Variants in HS3ST2 observed in about 807,000 individuals in gnomAD.
HS3ST2 encodes heparan sulfate glucosamine 3-O-sulfotransferase 2.
HS3ST2 carries 17 observed loss-of-function variants against 26.3 expected under a neutral mutation model. The ratio of observed to expected loss-of-function variants is 0.65; its 90% CI spans 0.44 to 0.97. The LOEUF is 0.97. Ranked by LOEUF, HS3ST2 falls within the 50% of genes least tolerant of loss-of-function variation. The probability of loss-of-function intolerance (pLI) is 0.00; values close to 1 mark genes in which losing one functional copy is unlikely to be tolerated. For synonymous variants in HS3ST2, 237 were observed against 219.2 expected, an observed-to-expected ratio of 1.08 and a Z score of -0.72; for missense variants, 402 against 501.2, an observed-to-expected ratio of 0.80 and a Z score of 1.89.
chr16:22,896,530 T>C (rs751060760), intron 1 of HS3ST2, among the ~76,000 whole-genome samples: 17 of 152,248 alleles, frequency 1.1e-4, no homozygotes, highest in Non-Finnish European at 2.4e-4. Context: ...CTATAACCAC[T>C]CTGTCTTCCA....
At chr16:22,859,461 C>T (rs1006668930) in intron 1 of HS3ST2, among the ~76,000 whole-genome samples, 8 of 152,182 alleles carry the variant, frequency 5.3e-5, no homozygotes, top group East Asian at 1.9e-4. Context: ...TTGCTGAAAA[C>T]GTAATTGCAT....
At chr16:22,881,603 A>G (rs1160349762) in intron 1 of HS3ST2, among the ~76,000 whole-genome samples, 1 of 152,222 alleles carries the variant, frequency 6.6e-6, no homozygotes, top group African/African-American at 2.4e-5. Context: ...CAAAGAGGTC[A>G]ACATAAGGGA....
chr16:22,846,221 G>A (rs1901430101), intron 1 of HS3ST2, among the ~76,000 whole-genome samples: 1 of 151,734 alleles, frequency 6.6e-6, no homozygotes, highest in African/African-American at 2.4e-5. Context: ...AGGTTGCAGT[G>A]AGCCGAGATC....
At chr16:22,842,972 A>G (rs1450853351) in intron 1 of HS3ST2, among the ~76,000 whole-genome samples, 1 of 152,198 alleles carries the variant, frequency 6.6e-6, no homozygotes, top group Admixed American at 6.5e-5. Context: ...CTCTTCAATT[A>G]TGTTAAACAT....
At position 22,816,759 on chromosome 16, in the gene HS3ST2, C is replaced by T. The variant is rs551792823; in HGVS notation, c.485+1664C>T. Among the ~76,000 whole-genome samples, 16 of 152,310 alleles carry T rather than the reference C, an allele frequency of 1.1e-4. 1 individual carries two copies. The highest frequency in any genetic ancestry group is 3.6e-4 in the African/African-American group (15 of 41,560). On this transcript the variant is annotated intron_variant, in intron 1 of 1. Coordinates refer to ENST00000261374, the MANE Select transcript of HS3ST2 (RefSeq NM_006043.2). Reference sequence around the variant, plus strand: ...AGGCAAACACATTGAACAGCAGAGCCCAGAGTGGGTCAGCCATGACCACAT... The same window carrying T: ...AGGCAAACACATTGAACAGCAGAGCTCAGAGTGGGTCAGCCATGACCACAT...
Position 22,814,401 on chromosome 16 carries a change from G to T in HS3ST2, c.-210G>T, listed in dbSNP as rs1900818512. 4.2e-6 allele frequency: 2 copies of T among 475,570 alleles called. No individual in the cohort carries two copies. The highest frequency in any genetic ancestry group is 7.2e-6 in the Non-Finnish European group (2 of 276,314). The allele number at this position is 475,570 out of a possible 1,614,324, so 29.5% of individuals were successfully genotyped here. On this transcript the variant is annotated 5_prime_UTR_variant, in exon 1 of 2. Coordinates refer to ENST00000261374, the MANE Select transcript of HS3ST2 (RefSeq NM_006043.2). The stretch of plus-strand genomic sequence containing the variant: ...ACCGGGAGATGCTGGAAATGCAACC[G>T]CCTGTTCCCCGAGGAGCCGCTGCCC...
intron 1 of HS3ST2, among the ~76,000 whole-genome samples, chr16:22,878,008 C>T (rs139137221): frequency 6.6e-6 from 1 of 152,176 alleles, no homozygotes; most frequent in African/African-American, 2.4e-5. Context: ...ACGTTCTGGA[C>T]CAAGATGTGT....
chr16:22,827,289 C>T (rs926900153), intron 1 of HS3ST2, among the ~76,000 whole-genome samples: 6 of 152,098 alleles, frequency 3.9e-5, no homozygotes, highest in South Asian at 2.1e-4. Flanking sequence ...TAACGGGGGC[C>T]GCCTGGTGCA....
chr16:22,832,086 G>A (rs952585941), intron 1 of HS3ST2, among the ~76,000 whole-genome samples: 11 of 151,470 alleles, frequency 7.3e-5, no homozygotes, highest in African/African-American at 2.7e-4. Flanking sequence ...AGGCTTAAGT[G>A]ATCCTCCCAC....
At chr16:22,851,278 A>C (rs186415740) in intron 1 of HS3ST2, among the ~76,000 whole-genome samples, 1 of 152,230 alleles carries the variant, frequency 6.6e-6, no homozygotes, top group Admixed American at 6.5e-5. Context: ...CACATATTAC[A>C]TCATTTATAT....
rs1902406498 is a variant in HS3ST2 at position 22,910,055 on chromosome 16, G to GAAAGA, written c.486-4879_486-4875dup. 2.8e-5 allele frequency among the ~76,000 whole-genome samples: 3 copies of GAAAGA among 105,430 alleles called. 1 individual carries two copies. The South Asian group carries it at 8.6e-4, about 30-fold the overall frequency. The allele number at this position is 105,430 out of a possible 152,430, so 69.2% of individuals were successfully genotyped here. A position where few individuals can be genotyped will look rare whatever the true frequency, so the allele number is the denominator to read the frequency against. On this transcript the variant is annotated intron_variant, in intron 1 of 1. Coordinates refer to ENST00000261374, the MANE Select transcript of HS3ST2 (RefSeq NM_006043.2). Reference sequence around the variant, plus strand: ...TCCATCTCAAAAAAAAAAAAAAAAAGAAAGAAAAGAAAAGGAAAAAAGAAG... The same window carrying GAAAGA: ...TCCATCTCAAAAAAAAAAAAAAAAAGAAAGAAAAGAAAAGAAAAGGAAAAAAGAAG...
Position 22,915,619 on chromosome 16 carries a change from T to C in HS3ST2, c.*57T>C, listed in dbSNP as rs1010916863. On this transcript the variant is annotated 3_prime_UTR_variant, in exon 2 of 2. Transcript: ENST00000261374. Reference sequence around the variant, plus strand: ...TTCTGCTCATCTCTTCCGTGAGATTTGCTCCCAGACCCTCTGATCTCCCTC... The same window carrying C: ...TTCTGCTCATCTCTTCCGTGAGATTCGCTCCCAGACCCTCTGATCTCCCTC... The C allele has an allele frequency of 2.6e-6, 4 of 1,546,672 alleles. No homozygotes were observed. In the African/African-American group the frequency reaches 5.5e-5, roughly 21 times the overall value.
intron 1 of HS3ST2, among the ~76,000 whole-genome samples, chr16:22,911,730 T>C (rs1419156103): frequency 1.3e-5 from 2 of 152,220 alleles, no homozygotes; most frequent in Non-Finnish European, 2.9e-5. Flanking sequence ...ACACTCGTCA[T>C]TGGGTTTATG....
intron 1 of HS3ST2, among the ~76,000 whole-genome samples, chr16:22,845,752 A>C (rs1198890840): frequency 6.6e-6 from 1 of 152,214 alleles, no homozygotes; most frequent in Non-Finnish European, 1.5e-5. Context: ...TCATGGCAAC[A>C]TTTGTTTAGC....
intron 1 of HS3ST2, among the ~76,000 whole-genome samples, chr16:22,820,157 T>C (rs545297632): frequency 1.2e-4 from 19 of 152,224 alleles, no homozygotes; most frequent in African/African-American, 4.6e-4. Flanking sequence ...AATGAAACCA[T>C]TGAGTCCATA....
At chr16:22,825,034 T>C (rs1456958355) in intron 1 of HS3ST2, among the ~76,000 whole-genome samples, 2 of 152,112 alleles carry the variant, frequency 1.3e-5, no homozygotes, top group African/African-American at 2.4e-5. Context: ...ATTCCAAGCA[T>C]GAACTCAAAA....
At chr16:22,872,180 G>T (rs1001460519) in intron 1 of HS3ST2, among the ~76,000 whole-genome samples, 5 of 152,188 alleles carry the variant, frequency 3.3e-5, no homozygotes, top group African/African-American at 1.2e-4. Flanking sequence ...TGAGCATTAG[G>T]ATTTCAAATG....
chr16:22,891,541 C>A (rs973685708), intron 1 of HS3ST2, among the ~76,000 whole-genome samples: 7 of 151,766 alleles, frequency 4.6e-5, no homozygotes, highest in African/African-American at 1.7e-4. Context: ...TTTGTATTTC[C>A]AAGGATTAAC....
At chr16:22,820,919 T>G (rs917026127) in intron 1 of HS3ST2, among the ~76,000 whole-genome samples, 5 of 152,210 alleles carry the variant, frequency 3.3e-5, no homozygotes, top group African/African-American at 1.2e-4. Context: ...ATTGATGGTG[T>G]CTTAGATTGA....
Sources: gnomAD v4.1 joint callset for allele counts (sites outside exome capture counted in the v4.1 genomes callset) on GRCh38, gnomAD v4.1.1 for gene constraint, MANE v1.5 for transcripts, NCBI Gene and HGNC (gene_info 2026-07-23, HGNC 2026-07-21) for gene names.